CGNL1: variants seen among roughly 807,000 people sequenced by gnomAD.
The protein encoded by CGNL1 is cingulin like 1, also known as cingulin-like protein 1.
In CGNL1, 132 loss-of-function variants were observed where a neutral mutation model predicts 141.2. The ratio of observed to expected loss-of-function variants is 0.93; its 90% CI spans 0.81 to 1.08. The LOEUF is 1.08. Ranked by LOEUF, CGNL1 falls within the 50% of genes least tolerant of loss-of-function variation. The pLI is 0.00. For synonymous variants in CGNL1, 690 were observed against 622.1 expected, an observed-to-expected ratio of 1.11 and a Z score of -1.63; for missense variants, 1,870 against 1,588.6, an observed-to-expected ratio of 1.18 and a Z score of -3.01.
chr15:57,394,533 A>G (rs1461923516), intron 1 of CGNL1, among the ~76,000 whole-genome samples: 1 of 152,232 alleles, frequency 6.6e-6, no homozygotes, highest in Non-Finnish European at 1.5e-5. Context: ...TGGTGGGGGT[A>G]GGTTCAAAAT....
intron 8 of CGNL1, among the ~76,000 whole-genome samples, chr15:57,483,635 G>T (rs1275532281): frequency 1.3e-5 from 2 of 152,056 alleles, no homozygotes; most frequent in South Asian, 4.1e-4. Context: ...CAGGCTAGAA[G>T]CTCCAATACT....
intron 8 of CGNL1, among the ~76,000 whole-genome samples, chr15:57,504,909 C>T (rs1170849190): frequency 6.6e-6 from 1 of 152,164 alleles, no homozygotes; most frequent in Admixed American, 6.5e-5. Context: ...TTGGTCAGCA[C>T]CCCAAGATGG....
In CGNL1 at chr15:57,546,204, G is replaced by C. The variant is rs1291629110; in HGVS notation, c.3738G>C (p.Leu1246=). 2 of 1,599,784 alleles carry C rather than the reference G, an allele frequency of 1.3e-6. No homozygotes were observed. The highest frequency in any genetic ancestry group is 3.4e-4 in the Middle Eastern group (2 of 5,916). Residue 1246 remains leucine, a synonymous_variant, in exon 18 of 19, where the codon CTG becomes CTC. Coordinates refer to ENST00000281282, the MANE Select transcript of CGNL1 (RefSeq NM_032866.5). ...LEEQMDMNEH[L]QGQLNSMKKD... ...AGCAGATGGACATGAATGAGCATCT[G>C]CAGGGGCAGCTCAACTCCATGAAGA...
intron 1 of CGNL1, among the ~76,000 whole-genome samples, chr15:57,421,002 C>T (rs148614464): frequency 1.2e-4 from 19 of 152,222 alleles, no homozygotes; most frequent in African/African-American, 4.3e-4. Flanking sequence ...CCCAAGGTTA[C>T]GGTATTTGAA....
intron 12 of CGNL1, 114 bp downstream of exon 12, chr15:57,524,865 A>C: frequency 9.6e-7 from 1 of 1,039,518 alleles, no homozygotes. Flanking sequence ...TTGGTGCTTG[A>C]CTCTTCATTC....
intron 8 of CGNL1, among the ~76,000 whole-genome samples, chr15:57,470,876 T>C (rs1274179292): frequency 6.6e-6 from 1 of 152,224 alleles, no homozygotes; most frequent in East Asian, 1.9e-4. Context: ...AGAAATAGCA[T>C]GTCAGTTCTG....
At chr15:57,416,200 T>TTG (rs1203011642) in intron 1 of CGNL1, among the ~76,000 whole-genome samples, 143 of 54,074 alleles carry the variant, frequency 2.6e-3, no homozygotes, top group East Asian at 5.4e-3. Context: ...GCTCAGTGTT[T>TTG]TTTTTTTTTT....
chr15:57,411,889 C>A (rs1017646336), intron 1 of CGNL1, among the ~76,000 whole-genome samples: 1 of 152,152 alleles, frequency 6.6e-6, no homozygotes, highest in Non-Finnish European at 1.5e-5. Flanking sequence ...CCACCCCTTT[C>A]CTAGTCCTGG....
At chr15:57,536,522 T>C (rs2032268159) in intron 14 of CGNL1, among the ~76,000 whole-genome samples, 2 of 152,212 alleles carry the variant, frequency 1.3e-5, no homozygotes, top group Admixed American at 6.5e-5. Flanking sequence ...CTTTATGAAA[T>C]AGAAGTAAGG....
intron 1 of CGNL1, among the ~76,000 whole-genome samples, chr15:57,390,028 C>T (rs1312544260): frequency 1.3e-5 from 2 of 152,204 alleles, no homozygotes; most frequent in Admixed American, 6.5e-5. Context: ...GTTGGCCGGG[C>T]TGGTCTCGAA....
In CGNL1 at chr15:57,438,171, A is replaced by T. The variant is rs768750302; in HGVS notation, c.172A>T (p.Asn58Tyr). The T allele has an allele frequency of 1.2e-6, 2 of 1,614,176 alleles. No homozygotes were observed. The highest frequency in any genetic ancestry group is 1.7e-5 in the Admixed American group (1 of 60,020). The change falls in exon 2 of 19, where the codon AAT becomes TAT. Residue 58 changes from asparagine (N) to tyrosine (Y), a missense_variant. Coordinates refer to ENST00000281282, the MANE Select transcript of CGNL1 (RefSeq NM_032866.5). The stretch of plus-strand genomic sequence containing the variant: ...TGATGGTCACCCCTATATTGTCCTG[A>T]ATAACACAGAACGGTGCCTAGCAGG... ...GIDGHPYIVL[N>Y]NTERCLAGTS...
At chr15:57,437,144 T>C (rs987531589) in intron 1 of CGNL1, among the ~76,000 whole-genome samples, 16 of 152,234 alleles carry the variant, frequency 1.1e-4, no homozygotes, top group Non-Finnish European at 2.2e-4. Flanking sequence ...GTGAGCTCTC[T>C]GCAGTCATCT....
rs1043055898 is a variant in CGNL1 at position 57,548,167 on chromosome 15, A to T, written c.*677A>T. The T allele has an allele frequency of 1.3e-5, 2 of 152,042 alleles. No individual in the cohort carries two copies. The highest frequency in any genetic ancestry group is 1.3e-4 in the Admixed American group (2 of 15,260). 9.4% of individuals were successfully genotyped at this position (152,042 alleles called of 1,614,324 possible). A position where few individuals can be genotyped will look rare whatever the true frequency, so the allele number is the denominator to read the frequency against. ...CAGATGACCACCACCACTCCTGGCTAATTTTTTGTATTTAGTAGAGACGGG... is the reference window on the plus strand; with the variant it reads ...CAGATGACCACCACCACTCCTGGCTTATTTTTTGTATTTAGTAGAGACGGG... On this transcript the variant is annotated 3_prime_UTR_variant, in exon 19 of 19. Coordinates refer to ENST00000281282, the MANE Select transcript of CGNL1 (RefSeq NM_032866.5).
At chr15:57,397,749 A>C (rs2062617818) in intron 1 of CGNL1, among the ~76,000 whole-genome samples, 2 of 151,248 alleles carry the variant, frequency 1.3e-5, no homozygotes, top group Admixed American at 6.6e-5. Flanking sequence ...TTATTGTAGA[A>C]TATGAAGTGG....
intron 12 of CGNL1, 146 bp downstream of exon 12, chr15:57,524,897 G>T: frequency 2.5e-6 from 2 of 798,902 alleles, no homozygotes; most frequent in East Asian, 2.7e-5. Flanking sequence ...GATGGGTTCC[G>T]TGGGCAAATG....
At chr15:57,405,150 A>G (rs945726673) in intron 1 of CGNL1, 1 of 152,158 alleles carries the variant, frequency 6.6e-6, no homozygotes, top group Non-Finnish European at 1.5e-5. Flanking sequence ...TTTTAATTTT[A>G]GTATATGTGC....
chr15:57,430,876 A>G (rs943016230), intron 1 of CGNL1, among the ~76,000 whole-genome samples: 20 of 152,096 alleles, frequency 1.3e-4, no homozygotes, highest in Admixed American at 1.2e-3. Flanking sequence ...GACCGCCACC[A>G]TGGCCGGCTC....
Position 57,531,795 on chromosome 15 carries a change from T to G in CGNL1, c.3291+16T>G. 6.9e-7 allele frequency: 1 copy of G among 1,455,616 alleles called. No individual in the cohort carries two copies. Among genetic ancestry groups the G allele is most frequent in the Non-Finnish European group, 9.7e-7 (1 of 1,035,558 alleles). The allele number at this position is 1,455,616 out of a possible 1,614,324, so 90.2% of individuals were successfully genotyped here. ...CAGGGAACAGGTACTATTCTATAGG[T>G]GAATGATGCGTGGATTGTCCTGTGT... On this transcript the variant is annotated intron_variant, in intron 14 of 18. Transcript: ENST00000281282.
intron 1 of CGNL1, among the ~76,000 whole-genome samples, chr15:57,425,235 G>C (rs957725461): frequency 6.6e-6 from 1 of 152,106 alleles, no homozygotes; most frequent in Non-Finnish European, 1.5e-5. Flanking sequence ...GTGGTGGCTC[G>C]TGCTTATAGT....
Sources: allele counts gnomAD v4.1 joint callset (sites outside exome capture counted in the v4.1 genomes callset), GRCh38; gene constraint gnomAD v4.1.1; transcripts MANE v1.5; gene names NCBI Gene and HGNC (gene_info 2026-07-23, HGNC 2026-07-21).